The following CCDC158 variants were observed in gnomAD, a reference collection of about 807,000 sequenced individuals.
CCDC158 encodes coiled-coil domain containing 158.
Under a neutral mutation model 138.6 loss-of-function variants are expected in CCDC158, and 116 were observed. That is an observed-to-expected ratio of 0.84 (90% confidence interval 0.72 to 0.98). The LOEUF is 0.98. Among genes scored for constraint, CCDC158 ranks in the 50% least tolerant of loss-of-function variants. CCDC158 has a pLI of 0.00. For synonymous variants in CCDC158, 436 were observed against 442.4 expected, an observed-to-expected ratio of 0.99 and a Z score of 0.18; for missense variants, 1,265 against 1,306.1, an observed-to-expected ratio of 0.97 and a Z score of 0.48.
chr4:76,370,848 G>A (rs1008487539), intron 10 of CCDC158, among the ~76,000 whole-genome samples: 2 of 152,162 alleles, frequency 1.3e-5, no homozygotes, highest in African/African-American at 4.8e-5. Flanking sequence ...AGCCTGCAAA[G>A]GATGGCTTTA....
intron 10 of CCDC158, among the ~76,000 whole-genome samples, chr4:76,370,504 C>T (rs1211518280): frequency 1.3e-5 from 2 of 152,038 alleles, no homozygotes; most frequent in African/African-American, 2.4e-5. Flanking sequence ...GTGACATCAT[C>T]GGAGCTACAT....
At chr4:76,371,323 T>C in intron 10 of CCDC158, 94 bp downstream of exon 10, 1 of 1,251,602 alleles carries the variant, frequency 8.0e-7, no homozygotes, top group Non-Finnish European at 1.1e-6. Flanking sequence ...ATTTTGTAAA[T>C]TTGTAATTTT....
chr4:76,384,596 G>C lies in CCDC158; in HGVS notation c.358C>G (p.Gln120Glu), dbSNP rs1013402669. ...GCATCTCTCTCCATTTGCATCTCCTGAAGTTTTGTTTGCAAATCAATGACT... is the reference window on the plus strand; with the variant it reads ...GCATCTCTCTCCATTTGCATCTCCTCAAGTTTTGTTTGCAAATCAATGACT... ...QSVIDLQTKLQEMQMERDAMA... is the reference protein window; with the variant it reads ...QSVIDLQTKLEEMQMERDAMA... Residue 120 changes from glutamine to glutamate, a missense_variant, in exon 5 of 25, where the codon CAG becomes GAG. By Grantham distance (29) the Gln-to-Glu change is conservative (BLOSUM62 2). Transcript: ENST00000682701. 1.2e-6 allele frequency: 2 copies of C among 1,613,320 alleles called. No homozygotes were observed. Among genetic ancestry groups the C allele is most frequent in the African/African-American group, 2.7e-5 (2 of 74,774 alleles).
chr4:76,389,606 C>T (rs187905404), intron 4 of CCDC158, among the ~76,000 whole-genome samples: 16 of 152,208 alleles, frequency 1.1e-4, no homozygotes, highest in Admixed American at 9.2e-4. Flanking sequence ...CATTCAACTA[C>T]AAGAAGGTTA....
At chr4:76,371,862 C>T (rs367555095) in intron 9 of CCDC158, among the ~76,000 whole-genome samples, 21 of 148,922 alleles carry the variant, frequency 1.4e-4, no homozygotes, top group East Asian at 7.9e-4. Flanking sequence ...CGCTTGGACC[C>T]GGGAGGCAGA....
At chr4:76,394,052 A>T (rs565953661) in intron 4 of CCDC158, among the ~76,000 whole-genome samples, 1 of 152,262 alleles carries the variant, frequency 6.6e-6, no homozygotes, top group South Asian at 2.1e-4. Context: ...TAGTACAGCC[A>T]CTATAAAGAA....
At chr4:76,398,989 C>T (rs1728086101) in intron 3 of CCDC158, among the ~76,000 whole-genome samples, 1 of 152,124 alleles carries the variant, frequency 6.6e-6, no homozygotes, top group Non-Finnish European at 1.5e-5. Flanking sequence ...AATATGAACA[C>T]ATTAGATAAT....
At chr4:76,411,825 G>A (rs572431391) in intron 2 of CCDC158, among the ~76,000 whole-genome samples, 3 of 151,554 alleles carry the variant, frequency 2.0e-5, no homozygotes, top group South Asian at 2.1e-4. Flanking sequence ...AAATCTAAGC[G>A]CCACACACCC....
intron 20 of CCDC158, among the ~76,000 whole-genome samples, chr4:76,331,640 A>G (rs1010839406): frequency 6.6e-6 from 1 of 152,180 alleles, no homozygotes; most frequent in Non-Finnish European, 1.5e-5. Context: ...TTCCAGGTGG[A>G]GGAAACAGAA....
intron 18 of CCDC158, among the ~76,000 whole-genome samples, chr4:76,348,964 C>T (rs1722816675): frequency 6.6e-6 from 1 of 152,182 alleles, no homozygotes; most frequent in African/African-American, 2.4e-5. Flanking sequence ...AGGAAGACCA[C>T]TACCCTTAAG....
chr4:76,320,268 A>G (rs1268253824), intron 24 of CCDC158, among the ~76,000 whole-genome samples: 1 of 152,186 alleles, frequency 6.6e-6, no homozygotes, highest in Non-Finnish European at 1.5e-5. Context: ...AAAAACTACA[A>G]ATGCTGCTGA....
chr4:76,327,704 G>T (rs914056112), intron 22 of CCDC158, among the ~76,000 whole-genome samples: 1 of 152,052 alleles, frequency 6.6e-6, no homozygotes, highest in Non-Finnish European at 1.5e-5. Context: ...AAAACATTAC[G>T]CAGCACATGA....
chr4:76,364,364 G>A (rs183949569), intron 12 of CCDC158, among the ~76,000 whole-genome samples: 2 of 152,246 alleles, frequency 1.3e-5, no homozygotes, highest in East Asian at 3.9e-4. Context: ...TCTTCCCAGG[G>A]TGTAGGTCTG....
chr4:76,326,963 A>C (rs1015077126), intron 22 of CCDC158, among the ~76,000 whole-genome samples: 1 of 152,142 alleles, frequency 6.6e-6, no homozygotes, highest in Non-Finnish European at 1.5e-5. Context: ...ACTGTACAAA[A>C]CAATACAAAT....
intron 1 of CCDC158, among the ~76,000 whole-genome samples, chr4:76,420,588 C>A (rs1375017662): frequency 6.6e-6 from 1 of 152,202 alleles, no homozygotes; most frequent in African/African-American, 2.4e-5. Context: ...GTCTTGGATG[C>A]GAGGCTGTCC....
At chr4:76,333,845 T>C (rs1721219958) in intron 19 of CCDC158, 165 bp downstream of exon 19, 4 of 441,062 alleles carry the variant, frequency 9.1e-6, no homozygotes, top group Non-Finnish European at 1.6e-5. Context: ...CAAGTTGTTT[T>C]ACATTTGCTT....
chr4:76,325,630 G>A (rs1425029442), intron 23 of CCDC158, among the ~76,000 whole-genome samples: 1 of 152,078 alleles, frequency 6.6e-6, no homozygotes, highest in African/African-American at 2.4e-5. Context: ...TTCATTTAGA[G>A]AAAAAGAGAG....
At chr4:76,387,136 C>T (rs1020576914) in intron 4 of CCDC158, among the ~76,000 whole-genome samples, 2 of 152,150 alleles carry the variant, frequency 1.3e-5, no homozygotes, top group African/African-American at 4.8e-5. Context: ...CAACCCCAGA[C>T]GGTGTAGCTT....
At chr4:76,373,312 C>A (rs1425098468) in intron 9 of CCDC158, among the ~76,000 whole-genome samples, 1 of 152,118 alleles carries the variant, frequency 6.6e-6, no homozygotes, top group African/African-American at 2.4e-5. Flanking sequence ...ATGGTGATAT[C>A]TTAACTTTAA....
Sources: gnomAD v4.1 joint callset for allele counts (sites outside exome capture counted in the v4.1 genomes callset) on GRCh38, gnomAD v4.1.1 for gene constraint, MANE v1.5 for transcripts, NCBI Gene and HGNC (gene_info 2026-07-23, HGNC 2026-07-21) for gene names.